Variants in KIF6 observed in about 807,000 individuals in gnomAD.
KIF6 encodes kinesin family member 6.
Under a neutral mutation model 112.7 loss-of-function variants are expected in KIF6, and 106 were observed. That is an observed-to-expected ratio of 0.94 (90% CI 0.80 to 1.11). The LOEUF is 1.11. Among genes scored for constraint, KIF6 ranks in the 50% least tolerant of loss-of-function variants. The probability of loss-of-function intolerance (pLI) is 0.00; values close to 1 mark genes in which losing one functional copy is unlikely to be tolerated. For missense variants in KIF6, 929 were observed against 964.0 expected, an observed-to-expected ratio of 0.96 and a Z score of 0.48; for synonymous variants, 339 against 339.9, an observed-to-expected ratio of 1.00 and a Z score of 0.03.
intron 3 of KIF6, among the ~76,000 whole-genome samples, chr6:39,689,117 C>CA (rs1356391413): frequency 1.0e-4 from 15 of 145,760 alleles, no homozygotes; most frequent in South Asian, 2.2e-4. Context: ...ACGCTGTCTG[C>CA]AAAAAAAAGA....
rs775301707 is a variant in KIF6 at position 39,420,050 on chromosome 6, A to C, written c.1755-47T>G. ...ATTGTAGTTTTTCTGTTCATCCTACAAGATGTTTTAAAAATAATAGATTTC... is the reference window on the plus strand; with the variant it reads ...ATTGTAGTTTTTCTGTTCATCCTACCAGATGTTTTAAAAATAATAGATTTC... On this transcript the variant is annotated intron_variant, in intron 14 of 22. Transcript: ENST00000287152. The C allele has an allele frequency of 2.9e-5, 38 of 1,323,544 alleles. 1 individual carries two copies. The South Asian group carries it at 4.1e-4, about 14-fold the overall frequency. The allele number at this position is 1,323,544 out of a possible 1,614,324, so 82.0% of individuals were successfully genotyped here. A position where few individuals can be genotyped will look rare whatever the true frequency, so the allele number is the denominator to read the frequency against.
At chr6:39,709,941 T>C (rs772864520) in intron 3 of KIF6, among the ~76,000 whole-genome samples, 3 of 152,212 alleles carry the variant, frequency 2.0e-5, no homozygotes, top group Non-Finnish European at 4.4e-5. Flanking sequence ...ATATTGTGCA[T>C]AAATGACACT....
At chr6:39,680,043 C>CTGT (rs1403670779) in intron 3 of KIF6, among the ~76,000 whole-genome samples, 1 of 151,992 alleles carries the variant, frequency 6.6e-6, no homozygotes. Context: ...GGGTCTCATG[C>CTGT]TGTTGCCCAG....
chr6:39,646,070 G>A (rs1221640229), intron 3 of KIF6, among the ~76,000 whole-genome samples: 2 of 151,380 alleles, frequency 1.3e-5, no homozygotes, highest in South Asian at 2.1e-4. Flanking sequence ...GTATACATAT[G>A]TAACAAACCT....
At chr6:39,493,061 A>G (rs1775563991) in intron 13 of KIF6, among the ~76,000 whole-genome samples, 1 of 152,190 alleles carries the variant, frequency 6.6e-6, no homozygotes, top group South Asian at 2.1e-4. Context: ...TTTTACATTT[A>G]TTAAACATTA....
chr6:39,431,725 G>T (rs565029871), intron 13 of KIF6, among the ~76,000 whole-genome samples: 1 of 152,186 alleles, frequency 6.6e-6, no homozygotes, highest in Admixed American at 6.5e-5. Context: ...CCATGGCAGG[G>T]GTCCCTAGGT....
chr6:39,366,310 ACAAAG>A (rs1297039173), intron 16 of KIF6, among the ~76,000 whole-genome samples: 1 of 152,236 alleles, frequency 6.6e-6, no homozygotes, highest in Non-Finnish European at 1.5e-5. Flanking sequence ...GTGCGATGCC[ACAAAG>A]CTACCAAATA....
chr6:39,533,661 C>T (rs1778220937), intron 13 of KIF6, among the ~76,000 whole-genome samples: 1 of 152,230 alleles, frequency 6.6e-6, no homozygotes, highest in Non-Finnish European at 1.5e-5. Context: ...ACTGCAGTAA[C>T]CTCTGCAGAC....
chr6:39,724,218 A>G (rs1483184767), intron 1 of KIF6, among the ~76,000 whole-genome samples: 4 of 152,224 alleles, frequency 2.6e-5, no homozygotes, highest in African/African-American at 7.2e-5. Context: ...TGGGAGGCCG[A>G]GGCGGGCGGA....
intron 16 of KIF6, among the ~76,000 whole-genome samples, chr6:39,377,856 G>A (rs956480091): frequency 4.6e-5 from 7 of 151,996 alleles, no homozygotes; most frequent in African/African-American, 7.3e-5. Flanking sequence ...CATCACAGTC[G>A]AATGGCTTGT....
At chr6:39,391,897 G>GTA (rs1178683733) in intron 15 of KIF6, among the ~76,000 whole-genome samples, 1 of 152,048 alleles carries the variant, frequency 6.6e-6, no homozygotes, top group African/African-American at 2.4e-5. Flanking sequence ...ATGTTTGTAT[G>GTA]TATGTATAGG....
At chr6:39,396,243 T>G (rs796220197) in intron 15 of KIF6, among the ~76,000 whole-genome samples, 14 of 152,324 alleles carry the variant, frequency 9.2e-5, no homozygotes, top group African/African-American at 2.9e-4. Flanking sequence ...CAAAAGTCAT[T>G]GTTAGATGTT....
At chr6:39,424,607 A>G (rs1770629655) in intron 14 of KIF6, among the ~76,000 whole-genome samples, 1 of 152,208 alleles carries the variant, frequency 6.6e-6, no homozygotes, top group Non-Finnish European at 1.5e-5. Flanking sequence ...TGCCTACCTC[A>G]CCTCTTAGCG....
At chr6:39,577,910 C>A in intron 10 of KIF6, 146 bp downstream of exon 10, 1 of 569,792 alleles carries the variant, frequency 1.8e-6, no homozygotes, top group Middle Eastern at 2.8e-4. Flanking sequence ...GGAAAGCCGC[C>A]ACTCTTAACT....
chr6:39,652,655 TTA>T (rs1785543497), intron 3 of KIF6, among the ~76,000 whole-genome samples: 1 of 152,224 alleles, frequency 6.6e-6, no homozygotes, highest in African/African-American at 2.4e-5. Context: ...AAAACTGAAC[TTA>T]TGTTTTTTTT....
At chr6:39,685,350 C>T (rs1024641217) in intron 3 of KIF6, among the ~76,000 whole-genome samples, 1 of 152,158 alleles carries the variant, frequency 6.6e-6, no homozygotes, top group Non-Finnish European at 1.5e-5. Flanking sequence ...GAATTAGGTG[C>T]AGATGCAGGC....
chr6:39,377,895 T>A (rs1379070831), intron 16 of KIF6, among the ~76,000 whole-genome samples: 1 of 151,966 alleles, frequency 6.6e-6, no homozygotes. Context: ...TTCAAGGAGA[T>A]CTTTGTTCCT....
chr6:39,714,735 G>A lies in KIF6; in HGVS notation c.208C>T (p.Gln70Ter). Residue 70 changes from glutamine (Q) to a stop codon, truncating the protein, a stop_gained, in exon 3 of 23, where the codon CAA becomes TAA. Coordinates refer to ENST00000287152, the MANE Select transcript of KIF6 (RefSeq NM_145027.6). LOFTEE classifies it high-confidence loss of function. ...GCAATGTTTTCAAAAACGGTCTCTT[G>A]GTTTGCATCCTGATCAAAAATTCTT... ...FQRIFDQDAN[Q>*]ETVFENIAKP... 1 of 1,613,592 alleles carries A rather than the reference G, an allele frequency of 6.2e-7. No homozygotes were observed. The highest frequency in any genetic ancestry group is 8.5e-7 in the Non-Finnish European group (1 of 1,179,610).
At chr6:39,537,954 T>C (rs368021343) in intron 13 of KIF6, among the ~76,000 whole-genome samples, 5 of 152,012 alleles carry the variant, frequency 3.3e-5, no homozygotes, top group South Asian at 4.2e-4. Flanking sequence ...CTGAGAAAAA[T>C]AAGCAATGGG....
Sources: allele counts gnomAD v4.1 joint callset (sites outside exome capture counted in the v4.1 genomes callset), GRCh38; gene constraint gnomAD v4.1.1; transcripts MANE v1.5; gene names NCBI Gene and HGNC (gene_info 2026-07-23, HGNC 2026-07-21).